Variants in DAB1 observed in about 807,000 individuals in gnomAD.
The protein encoded by DAB1 is disabled homolog 1.
DAB1 carries 15 observed loss-of-function variants against 64.6 expected under a neutral mutation model. That is an observed-to-expected ratio of 0.23 (90% confidence interval 0.16 to 0.36). DAB1 has a LOEUF of 0.36. Among genes scored for constraint, DAB1 ranks in the 10% least tolerant of loss-of-function variants. DAB1 has a pLI of 1.00. For missense variants in DAB1, 596 were observed against 706.7 expected (o/e 0.84, Z 1.78); for synonymous variants, 235 against 251.9 (o/e 0.93, Z 0.64).
chr1:57,011,860 C>G (rs899457311), intron 12 of DAB1, among the ~76,000 whole-genome samples: 2 of 152,122 alleles, frequency 1.3e-5, no homozygotes, highest in African/African-American at 4.8e-5. Flanking sequence ...CTGGTAGAAC[C>G]AGATTCTGAA....
chr1:58,517,821 T>A (rs1171689883), intron 2 of DAB1, among the ~76,000 whole-genome samples: 2 of 151,832 alleles, frequency 1.3e-5, no homozygotes, highest in Non-Finnish European at 2.9e-5. Flanking sequence ...AAGTAGGGGA[T>A]TGGTCAGGTG....
chr1:57,918,445 G>C (rs1305279066), intron 5 of DAB1, among the ~76,000 whole-genome samples: 1 of 152,036 alleles, frequency 6.6e-6, no homozygotes, highest in African/African-American at 2.4e-5. Context: ...ATACCCGAGG[G>C]GTGTCCTGCC....
At chr1:57,654,276 C>A (rs1347215007) in intron 6 of DAB1, among the ~76,000 whole-genome samples, 1 of 151,946 alleles carries the variant, frequency 6.6e-6, no homozygotes, top group Non-Finnish European at 1.5e-5. Flanking sequence ...TCACATGTGC[C>A]ATGGAAAAAC....
chr1:58,457,223 C>A (rs1021740101), intron 3 of DAB1, among the ~76,000 whole-genome samples: 1 of 152,178 alleles, frequency 6.6e-6, no homozygotes, highest in Admixed American at 6.5e-5. Flanking sequence ...TGGCCCTCAG[C>A]CCAGAATTCA....
chr1:57,028,273 T>G (rs1006820748), intron 9 of DAB1, among the ~76,000 whole-genome samples: 13 of 152,204 alleles, frequency 8.5e-5, no homozygotes, highest in Non-Finnish European at 1.6e-4. Context: ...CCAATTTTGC[T>G]TCTTCCTCAC....
At chr1:58,230,732 A>G (rs1475983138) in intron 4 of DAB1, among the ~76,000 whole-genome samples, 1 of 152,240 alleles carries the variant, frequency 6.6e-6, no homozygotes, top group Admixed American at 6.5e-5. Flanking sequence ...ATGCAGCAAC[A>G]AAGTAAAAGC....
At chr1:57,075,488 A>G (rs1229979109) in intron 4 of DAB1, among the ~76,000 whole-genome samples, 1 of 152,216 alleles carries the variant, frequency 6.6e-6, no homozygotes, top group Non-Finnish European at 1.5e-5. Flanking sequence ...GTGAGGGGCT[A>G]TGTCTTCCCT....
At chr1:58,370,772 T>C (rs558046192) in intron 3 of DAB1, among the ~76,000 whole-genome samples, 85 of 152,300 alleles carry the variant, frequency 5.6e-4, no homozygotes, top group Non-Finnish European at 9.1e-4. Context: ...TGAGATTTGA[T>C]GGTTTTTATC....
chr1:58,454,593 C>T (rs956885772), intron 3 of DAB1, among the ~76,000 whole-genome samples: 1 of 152,118 alleles, frequency 6.6e-6, no homozygotes, highest in Admixed American at 6.5e-5. Context: ...AAGGAACCCA[C>T]GTCCGAGGGC....
intron 4 of DAB1, among the ~76,000 whole-genome samples, chr1:58,311,878 T>C (rs1218934911): frequency 6.6e-6 from 1 of 152,044 alleles, no homozygotes; most frequent in Admixed American, 6.6e-5. Flanking sequence ...CACAACAACA[T>C]TGGGGGGTGG....
At chr1:57,319,029 C>T (rs922150884) in intron 1 of DAB1, among the ~76,000 whole-genome samples, 5 of 152,148 alleles carry the variant, frequency 3.3e-5, no homozygotes, top group Non-Finnish European at 4.4e-5. Context: ...GGTGAAAGGC[C>T]TCCATGTCAT....
intron 2 of DAB1, among the ~76,000 whole-genome samples, chr1:57,249,456 C>T (rs1225598453): frequency 6.6e-6 from 1 of 152,184 alleles, no homozygotes; most frequent in Non-Finnish European, 1.5e-5. Flanking sequence ...ACTGCAGCCT[C>T]GGCCTTCTAG....
chr1:57,778,457 T>G (rs1432581373), intron 6 of DAB1, among the ~76,000 whole-genome samples: 1 of 151,956 alleles, frequency 6.6e-6, no homozygotes, highest in Non-Finnish European at 1.5e-5. Flanking sequence ...TGTTGACTTC[T>G]TATCAAGGAT....
intron 4 of DAB1, among the ~76,000 whole-genome samples, chr1:58,202,180 T>C (rs889504033): frequency 6.6e-6 from 1 of 152,246 alleles, no homozygotes; most frequent in African/African-American, 2.4e-5. Flanking sequence ...GGAAATTAGA[T>C]GATAGCATTT....
chr1:57,494,591 C>T (rs1644207330), intron 7 of DAB1, among the ~76,000 whole-genome samples: 1 of 152,210 alleles, frequency 6.6e-6, no homozygotes, highest in Admixed American at 6.5e-5. Flanking sequence ...CCCACATGGG[C>T]TGCTCCTCGA....
chr1:57,697,743 C>A (rs1324122889), intron 6 of DAB1, among the ~76,000 whole-genome samples: 1 of 152,104 alleles, frequency 6.6e-6, no homozygotes, highest in African/African-American at 2.4e-5. Flanking sequence ...GAGAGATTAC[C>A]TAGGAACTGC....
chr1:57,324,576 C>T (rs578162004), intron 1 of DAB1, among the ~76,000 whole-genome samples: 13 of 151,524 alleles, frequency 8.6e-5, no homozygotes, highest in Admixed American at 2.0e-4. Flanking sequence ...GAGAATGATG[C>T]GCATTAGAGA....
In DAB1 at chr1:58,369,321, A is replaced by T. The variant is rs1213666; in HGVS notation, n.258-25918T>A. On this transcript the variant is annotated intron_variant and non_coding_transcript_variant, in intron 3 of 20. Transcript: ENST00000485760. The stretch of plus-strand genomic sequence containing the variant: ...TTCCTTCTGGGGAAAAAAAACTAAG[A>T]TAATACCATTGCTTTAATGGTACAT... Among the ~76,000 whole-genome samples, 300 of 152,306 alleles carry T rather than the reference A, an allele frequency of 2.0e-3. 3 individuals are homozygous for T. Among genetic ancestry groups the T allele is most frequent in the African/African-American group, 7.0e-3 (292 of 41,570 alleles).
chr1:57,707,679 G>A (rs1023465796), intron 6 of DAB1, among the ~76,000 whole-genome samples: 3 of 151,988 alleles, frequency 2.0e-5, no homozygotes, highest in Non-Finnish European at 4.4e-5. Flanking sequence ...ATATATTGAT[G>A]TTTTCTTTTT....
Sources: allele counts gnomAD v4.1 joint callset (sites outside exome capture counted in the v4.1 genomes callset), GRCh38; gene constraint gnomAD v4.1.1; transcripts MANE v1.5; gene names NCBI Gene and HGNC (gene_info 2026-07-23, HGNC 2026-07-21).